Variants in CAMKMT observed in about 807,000 individuals in gnomAD.
CAMKMT encodes the protein CaM KMT.
A neutral mutation model predicts 48.0 loss-of-function variants in CAMKMT; 53 were observed. That is an observed-to-expected ratio of 1.10 (90% CI 0.89 to 1.39). CAMKMT has a LOEUF of 1.39. Among genes scored for constraint, CAMKMT ranks in the 40% most tolerant of loss-of-function variants. The pLI is 0.00. For missense variants in CAMKMT, 428 were observed against 402.7 expected, an observed-to-expected ratio of 1.06 and a Z score of -0.54; for synonymous variants, 165 against 152.3, an observed-to-expected ratio of 1.08 and a Z score of -0.61.
At chr2:44,365,472 T>C (rs757701672) in intron 1 of CAMKMT, among the ~76,000 whole-genome samples, 2 of 152,206 alleles carry the variant, frequency 1.3e-5, no homozygotes, top group Non-Finnish European at 2.9e-5. Flanking sequence ...AGGTTATGGA[T>C]GTTGTTCTGT....
intron 3 of CAMKMT, among the ~76,000 whole-genome samples, chr2:44,642,684 T>C (rs2138591): frequency 0.63 from 96,088 of 151,632 alleles, 30,982 homozygotes; most frequent in Middle Eastern, 0.71. Flanking sequence ...TTGGCAAGCC[T>C]GGTGAACATG....
intron 3 of CAMKMT, among the ~76,000 whole-genome samples, chr2:44,595,856 C>T (rs1197364253): frequency 6.6e-6 from 1 of 152,036 alleles, no homozygotes; most frequent in Non-Finnish European, 1.5e-5. Flanking sequence ...AAGCTGGAAA[C>T]CATCATTCTC....
In CAMKMT at chr2:44,631,163, C is replaced by T. The variant is rs553099631; in HGVS notation, c.377-73120C>T. On this transcript the variant is annotated intron_variant, in intron 3 of 10. Transcript: ENST00000378494. ...ATCGCAAGAACAAAAAACCAAACAC[C>T]ATATATTCTCACTCATAGGTGGGAA... is the stretch of plus-strand genomic sequence containing the variant. Among the ~76,000 whole-genome samples, 536 of 152,122 alleles carry T rather than the reference C, an allele frequency of 3.5e-3. 4 individuals are homozygous for T. The highest frequency in any genetic ancestry group is 0.012 in the African/African-American group (512 of 41,496).
chr2:44,654,749 G>A (rs890343303), intron 3 of CAMKMT, among the ~76,000 whole-genome samples: 4 of 152,112 alleles, frequency 2.6e-5, no homozygotes, highest in Admixed American at 6.5e-5. Context: ...TCCCGGCCTC[G>A]AGTGATCCAC....
At chr2:44,538,752 G>A (rs943791815) in intron 3 of CAMKMT, among the ~76,000 whole-genome samples, 2 of 149,636 alleles carry the variant, frequency 1.3e-5, no homozygotes. Flanking sequence ...AAAACCACTT[G>A]TACCCCCAAA....
intron 1 of CAMKMT, among the ~76,000 whole-genome samples, chr2:44,365,715 C>T (rs1191950931): frequency 6.6e-6 from 1 of 152,174 alleles, no homozygotes; most frequent in Non-Finnish European, 1.5e-5. Flanking sequence ...AGGTAACAAC[C>T]TCACTAGAAT....
intron 3 of CAMKMT, among the ~76,000 whole-genome samples, chr2:44,620,751 G>A (rs7593784): frequency 0.12 from 18,600 of 152,148 alleles, 1,315 homozygotes; most frequent in Admixed American, 0.22. Context: ...AAAACAAACA[G>A]ATTCTTTCTT....
chr2:44,768,559 C>T (rs1023934823), intron 10 of CAMKMT, among the ~76,000 whole-genome samples: 1 of 151,848 alleles, frequency 6.6e-6, no homozygotes, highest in Non-Finnish European at 1.5e-5. Context: ...CCGGGGGCCA[C>T]GCTGGAGGGA....
intron 2 of CAMKMT, among the ~76,000 whole-genome samples, chr2:44,388,437 T>C (rs1325060218): frequency 2.0e-5 from 3 of 152,206 alleles, no homozygotes; most frequent in East Asian, 1.9e-4. Context: ...TTTGCTTGCA[T>C]TGGGCTTTGC....
rs951231801 is a variant in CAMKMT, at chr2:44,460,857, A to G, written c.376+70552A>G. On this transcript the variant is annotated intron_variant, in intron 3 of 10. Transcript: ENST00000378494. ...CCAGCCTCAGCCTCCCGAGTAGCTG[A>G]GATCACAGGCGCATACCACCACACC... Among the ~76,000 whole-genome samples the G allele has an allele frequency of 4.6e-5, 7 of 150,894 alleles. No homozygotes were observed. The East Asian group carries it at 1.2e-3, about 25-fold the overall frequency.
intron 3 of CAMKMT, among the ~76,000 whole-genome samples, chr2:44,643,505 G>A (rs17032464): frequency 0.018 from 2,764 of 152,266 alleles, 65 homozygotes; most frequent in African/African-American, 0.057. Flanking sequence ...GTAGGAGCTA[G>A]ATCGGTAAAG....
At chr2:44,584,898 C>CA (rs1015037109) in intron 3 of CAMKMT, among the ~76,000 whole-genome samples, 29 of 151,738 alleles carry the variant, frequency 1.9e-4, no homozygotes, top group African/African-American at 6.8e-4. Context: ...ACTAAAAATA[C>CA]AAAAAAATTA....
intron 9 of CAMKMT, among the ~76,000 whole-genome samples, chr2:44,766,091 C>T (rs1197263457): frequency 1.3e-5 from 2 of 152,154 alleles, no homozygotes; most frequent in Non-Finnish European, 1.5e-5. Context: ...CTGCCCTGGA[C>T]CAGTTACTCT....
At chr2:44,558,983 GGATAGATAGATA>G (rs57423310) in intron 3 of CAMKMT, among the ~76,000 whole-genome samples, 1 of 151,486 alleles carries the variant, frequency 6.6e-6, no homozygotes, top group Admixed American at 6.6e-5. Flanking sequence ...ATGTATGTAT[GGATAGATAGATA>G]GATAGATAGA....
intron 3 of CAMKMT, among the ~76,000 whole-genome samples, chr2:44,603,069 C>T (rs1374093124): frequency 6.6e-6 from 1 of 152,000 alleles, no homozygotes; most frequent in Admixed American, 6.6e-5. Flanking sequence ...TAGATACACA[C>T]ACATATATAT....
rs768760253 is a variant in CAMKMT at position 44,657,170 on chromosome 2, T to C, written c.377-47113T>C. Among the ~76,000 whole-genome samples, 3 of 152,192 alleles carry C rather than the reference T, an allele frequency of 2.0e-5. No homozygotes were observed. Among genetic ancestry groups the C allele is most frequent in the Non-Finnish European group, 4.4e-5 (3 of 68,038 alleles). On this transcript the variant is annotated intron_variant, in intron 3 of 10. Transcript: ENST00000378494. The surrounding 1 kb of genome is among the most constrained non-coding windows in gnomAD (Gnocchi z 4.3). ...TGAAATCCAGTTTGTATGAGAGCCA[T>C]ATGAAGGCCATCCCGTGGAGAGGTC...
chr2:44,771,625 G>A (rs1681115305), intron 10 of CAMKMT, among the ~76,000 whole-genome samples: 1 of 152,160 alleles, frequency 6.6e-6, no homozygotes, highest in Non-Finnish European at 1.5e-5. Flanking sequence ...TGTTGCCACG[G>A]ACTCCAAGCA....
intron 3 of CAMKMT, among the ~76,000 whole-genome samples, chr2:44,660,845 G>A (rs1674640903): frequency 6.6e-6 from 1 of 152,168 alleles, no homozygotes; most frequent in South Asian, 2.1e-4. Flanking sequence ...CTGGGTTCAA[G>A]TGATCCTCCC....
intron 3 of CAMKMT, among the ~76,000 whole-genome samples, chr2:44,521,289 T>C (rs1216842633): frequency 6.6e-6 from 1 of 152,206 alleles, no homozygotes; most frequent in African/African-American, 2.4e-5. Context: ...CCCAATATTT[T>C]TTTTTTAATA....
Sources: allele counts gnomAD v4.1 joint callset (sites outside exome capture counted in the v4.1 genomes callset), GRCh38; gene constraint gnomAD v4.1.1; non-coding constraint Gnocchi (gnomAD v3.1); transcripts MANE v1.5; gene names NCBI Gene and HGNC (gene_info 2026-07-23, HGNC 2026-07-21).